The following NEGR1 variants were observed in gnomAD, a reference collection of about 807,000 sequenced individuals.
NEGR1 encodes neuronal growth regulator 1.
A neutral mutation model predicts 40.9 loss-of-function variants in NEGR1; 10 were observed. The observed-to-expected ratio is 0.24, with a 90% CI of 0.15 to 0.42. The LOEUF (loss-of-function observed/expected upper bound fraction) is 0.42. NEGR1 is among the 10% of genes least tolerant of loss of function. The probability of loss-of-function intolerance (pLI) is 1.00; values close to 1 mark genes in which losing one functional copy is unlikely to be tolerated. For synonymous variants in NEGR1, 185 were observed against 166.8 expected (o/e 1.11, Z -0.84); for missense variants, 352 against 438.9 (o/e 0.80, Z 1.77).
intron 1 of NEGR1, among the ~76,000 whole-genome samples, chr1:72,024,854 C>T (rs1646793101): frequency 6.6e-6 from 1 of 152,152 alleles, no homozygotes; most frequent in Non-Finnish European, 1.5e-5. Flanking sequence ...AACTTGACAG[C>T]TATAAGCTTA....
At chr1:72,146,358 A>C (rs1650908616) in intron 1 of NEGR1, among the ~76,000 whole-genome samples, 1 of 151,882 alleles carries the variant, frequency 6.6e-6, no homozygotes, top group South Asian at 2.1e-4. Context: ...ATTATTTTTC[A>C]CTCTATTAAT....
At chr1:71,944,138 T>A (rs1234124566) in intron 1 of NEGR1, among the ~76,000 whole-genome samples, 2 of 152,196 alleles carry the variant, frequency 1.3e-5, no homozygotes, top group Non-Finnish European at 2.9e-5. Flanking sequence ...GCTTCAAGAT[T>A]TTTGATAACT....
At chr1:71,657,353 G>C (rs772565658) in intron 4 of NEGR1, among the ~76,000 whole-genome samples, 1 of 152,046 alleles carries the variant, frequency 6.6e-6, no homozygotes, top group African/African-American at 2.4e-5. Context: ...CACTTCTTTG[G>C]GGAATTAAAT....
At chr1:72,266,009 T>C (rs1362515732) in intron 1 of NEGR1, among the ~76,000 whole-genome samples, 1 of 150,978 alleles carries the variant, frequency 6.6e-6, no homozygotes, top group Non-Finnish European at 1.5e-5. Flanking sequence ...ATTAAATTTT[T>C]AAAATATAGC....
At chr1:71,411,273 T>G (rs1299336032) in intron 6 of NEGR1, among the ~76,000 whole-genome samples, 1 of 152,180 alleles carries the variant, frequency 6.6e-6, no homozygotes, top group Non-Finnish European at 1.5e-5. Context: ...TACTTTGACC[T>G]GTACAGGTCA....
At chr1:72,065,040 C>T (rs1022273065) in intron 1 of NEGR1, among the ~76,000 whole-genome samples, 1 of 151,722 alleles carries the variant, frequency 6.6e-6, no homozygotes, top group African/African-American at 2.4e-5. Context: ...TCAAGTATTC[C>T]AAGAAAACAA....
intron 2 of NEGR1, among the ~76,000 whole-genome samples, chr1:71,787,325 T>G (rs186573255): frequency 3.9e-5 from 6 of 152,286 alleles, no homozygotes; most frequent in Admixed American, 1.3e-4. Context: ...AAATAGATGA[T>G]AAAACTTCCC....
chr1:72,137,507 A>G (rs1650514936), intron 1 of NEGR1, among the ~76,000 whole-genome samples: 1 of 150,694 alleles, frequency 6.6e-6, no homozygotes, highest in Non-Finnish European at 1.5e-5. Context: ...AGAAAACCAA[A>G]CACTGCATGT....
intron 6 of NEGR1, 145 bp downstream of exon 6, chr1:71,592,672 G>A (rs953438664): frequency 1.7e-6 from 1 of 577,520 alleles, no homozygotes; most frequent in South Asian, 3.9e-5. Context: ...AAGTTTCCAT[G>A]TGTAAGGATT....
At chr1:71,441,985 T>C (rs1646550092) in intron 6 of NEGR1, among the ~76,000 whole-genome samples, 1 of 152,234 alleles carries the variant, frequency 6.6e-6, no homozygotes, top group Non-Finnish European at 1.5e-5. Context: ...CTTTTGTAAA[T>C]ATATCAATTG....
chr1:71,599,307 T>C (rs924304893), intron 5 of NEGR1, among the ~76,000 whole-genome samples: 7 of 152,202 alleles, frequency 4.6e-5, no homozygotes, highest in Admixed American at 4.6e-4. Flanking sequence ...CAGGAAATTA[T>C]TTTTAAAGAA....
chr1:72,151,342 G>A (rs917296857), intron 1 of NEGR1, among the ~76,000 whole-genome samples: 1 of 150,968 alleles, frequency 6.6e-6, no homozygotes, highest in Admixed American at 6.6e-5. Flanking sequence ...CTAATTTTAG[G>A]CATTATACTA....
At chr1:71,620,451 T>C (rs539212363) in intron 4 of NEGR1, among the ~76,000 whole-genome samples, 1 of 152,118 alleles carries the variant, frequency 6.6e-6, no homozygotes, top group South Asian at 2.1e-4. Flanking sequence ...TATATTATTG[T>C]TTCATAGGAG....
chr1:71,833,426 A>T (rs1570409034), intron 2 of NEGR1, among the ~76,000 whole-genome samples: 1 of 152,118 alleles, frequency 6.6e-6, no homozygotes. Context: ...CTGTGAAAGA[A>T]GAGAAAATTT....
At chr1:71,869,021 C>T (rs984895063) in intron 2 of NEGR1, among the ~76,000 whole-genome samples, 6 of 152,150 alleles carry the variant, frequency 3.9e-5, no homozygotes, top group Non-Finnish European at 5.9e-5. Context: ...GGAACACCTC[C>T]TGAGTGATCT....
At chr1:72,126,059 C>T (rs905880286) in intron 1 of NEGR1, among the ~76,000 whole-genome samples, 5 of 147,140 alleles carry the variant, frequency 3.4e-5, no homozygotes, top group African/African-American at 7.5e-5. Flanking sequence ...TACCATGTGA[C>T]GTGATTCCCT....
chr1:72,156,671 T>C (rs745475185), intron 1 of NEGR1, among the ~76,000 whole-genome samples: 3 of 152,182 alleles, frequency 2.0e-5, no homozygotes, highest in Non-Finnish European at 2.9e-5. Flanking sequence ...GTTTCTGTGA[T>C]GGTCCTGCTT....
At chr1:72,187,935 C>T (rs561083699) in intron 1 of NEGR1, among the ~76,000 whole-genome samples, 1 of 151,414 alleles carries the variant, frequency 6.6e-6, no homozygotes, top group Non-Finnish European at 1.5e-5. Flanking sequence ...TCTTAACTTA[C>T]ATGTATGATT....
intron 1 of NEGR1, among the ~76,000 whole-genome samples, chr1:72,050,443 G>C (rs1456248777): frequency 1.3e-5 from 2 of 151,534 alleles, no homozygotes; most frequent in Non-Finnish European, 3.0e-5. Context: ...TTCACTGAAA[G>C]TACATTGCTG....
Sources: allele counts gnomAD v4.1 joint callset (sites outside exome capture counted in the v4.1 genomes callset), GRCh38; gene constraint gnomAD v4.1.1; transcripts MANE v1.5; gene names NCBI Gene and HGNC (gene_info 2026-07-23, HGNC 2026-07-21).